The following GSR variants were observed in gnomAD, a reference collection of about 807,000 sequenced individuals.
GSR encodes the protein glutathione reductase, mitochondrial.
Under a neutral mutation model 56.5 loss-of-function variants are expected in GSR, and 48 were observed. The observed-to-expected ratio is 0.85, with a 90% CI of 0.67 to 1.08. The LOEUF (loss-of-function observed/expected upper bound fraction) is 1.08, where lower values mean the gene tolerates loss of function less well. Ranked by LOEUF, GSR falls within the 50% of genes least tolerant of loss-of-function variation. GSR has a pLI of 0.00. For synonymous variants in GSR, 264 were observed against 270.8 expected (o/e 0.97, Z 0.25); for missense variants, 694 against 703.3 (o/e 0.99, Z 0.15).
intron 8 of GSR, among the ~76,000 whole-genome samples, chr8:30,690,523 A>C (rs1292169493): frequency 3.9e-5 from 6 of 152,096 alleles, no homozygotes; most frequent in African/African-American, 1.4e-4. Context: ...AGTGGAGAAA[A>C]TAAATAGTTT....
At chr8:30,695,705 C>A (rs903302622) in intron 7 of GSR, among the ~76,000 whole-genome samples, 4 of 152,148 alleles carry the variant, frequency 2.6e-5, no homozygotes, top group African/African-American at 7.2e-5. Context: ...TGGTAACAAT[C>A]TAACATTACT....
At position 30,681,921 on chromosome 8, in the gene GSR, A is replaced by C. The variant is rs757619498; in HGVS notation, c.1285+9T>G. ...AACCACAAATGACCTTCAGTTTTTAAATACCTACCTTCCGTGAGTCCCACT... is the reference window on the plus strand; with the variant it reads ...AACCACAAATGACCTTCAGTTTTTACATACCTACCTTCCGTGAGTCCCACT... On this transcript the variant is annotated intron_variant, in intron 11 of 12. Coordinates refer to ENST00000221130, the MANE Select transcript of GSR (RefSeq NM_000637.5). The C allele has an allele frequency of 1.2e-5, 20 of 1,613,624 alleles. No homozygotes were observed. Among genetic ancestry groups the C allele is most frequent in the Non-Finnish European group, 1.7e-5 (20 of 1,179,566 alleles).
rs534410638 is a variant in GSR at position 30,722,469 on chromosome 8, T to C, written c.306+5061A>G. On this transcript the variant is annotated intron_variant, in intron 1 of 12. Transcript: ENST00000221130. The stretch of plus-strand genomic sequence containing the variant: ...GGCTGGGCACGGTGGCTCATGCCTG[T>C]AATCCCAGCACTTTGAGAGGCTAAG... Among the ~76,000 whole-genome samples the C allele has an allele frequency of 3.9e-5, 6 of 152,318 alleles. No homozygotes were observed. The South Asian group carries it at 6.2e-4, about 16-fold the overall frequency.
intron 5 of GSR, 65 bp from the exon 6 acceptor site, chr8:30,700,200 A>G: frequency 8.7e-7 from 1 of 1,155,956 alleles, no homozygotes; most frequent in South Asian, 1.2e-5. Flanking sequence ...TAATCACAAC[A>G]TTTTATGCCA....
chr8:30,701,921 A>G (rs1272938356), intron 5 of GSR, among the ~76,000 whole-genome samples: 3 of 152,134 alleles, frequency 2.0e-5, no homozygotes, highest in Non-Finnish European at 4.4e-5. Context: ...CTAGCTGGGA[A>G]AAAAGAAAGA....
Position 30,680,697 on chromosome 8 carries a change from G to A in GSR, c.1419+207C>T, listed in dbSNP as rs964822000. ...GGTGTGAGCCACCACGCCTGGCATC[G>A]TCTTTATTTTTTAAAAGGAGTGGAA... On this transcript the variant is annotated intron_variant, in intron 12 of 12. Transcript: ENST00000221130. Among the ~76,000 whole-genome samples, 36 of 151,990 alleles carry A rather than the reference G, an allele frequency of 2.4e-4. 1 individual carries two copies. The highest frequency in any genetic ancestry group is 2.1e-4 in the South Asian group (1 of 4,818).
Position 30,684,085 on chromosome 8 carries a change from T to C in GSR, c.1153+3A>G. On this transcript the variant is annotated splice_donor_region_variant and intron_variant, in intron 10 of 12. Transcript: ENST00000221130. ...CCCTCACCAAGAAGGGAAGAGACCTTACCTGGAGTAAGAAGAGCTTTTCCA... is the reference window on the plus strand; with the variant it reads ...CCCTCACCAAGAAGGGAAGAGACCTCACCTGGAGTAAGAAGAGCTTTTCCA... 6.8e-7 allele frequency: 1 copy of C among 1,460,938 alleles called. No individual in the cohort carries two copies. Among genetic ancestry groups the C allele is most frequent in the Non-Finnish European group, 9.6e-7 (1 of 1,040,148 alleles). 90.5% of individuals were successfully genotyped at this position (1,460,938 alleles called of 1,614,324 possible). A position where few individuals can be genotyped will look rare whatever the true frequency, so the allele number is the denominator to read the frequency against.
At chr8:30,684,747 T>A (rs181126387) in intron 9 of GSR, among the ~76,000 whole-genome samples, 2 of 151,992 alleles carry the variant, frequency 1.3e-5, no homozygotes, top group Admixed American at 1.3e-4. Context: ...AGCATATCTA[T>A]GTTTATTTAG....
chr8:30,683,342 A>C (rs1195827466), intron 10 of GSR, among the ~76,000 whole-genome samples: 1 of 152,162 alleles, frequency 6.6e-6, no homozygotes, highest in Non-Finnish European at 1.5e-5. Context: ...ACACGCTGGA[A>C]TCGCTGATGA....
At chr8:30,683,440 T>C (rs560809857) in intron 10 of GSR, among the ~76,000 whole-genome samples, 9 of 152,166 alleles carry the variant, frequency 5.9e-5, no homozygotes, top group African/African-American at 2.2e-4. Context: ...GGAAGCGGGC[T>C]GAGGTGTGGG....
intron 1 of GSR, among the ~76,000 whole-genome samples, chr8:30,713,533 A>G (rs1275593293): frequency 6.6e-6 from 1 of 151,120 alleles, no homozygotes; most frequent in African/African-American, 2.4e-5. Flanking sequence ...TAATTTTTGT[A>G]TTTTTAGTAG....
At chr8:30,686,529 T>C (rs1215375092) in intron 9 of GSR, among the ~76,000 whole-genome samples, 1 of 152,080 alleles carries the variant, frequency 6.6e-6, no homozygotes, top group African/African-American at 2.4e-5. Flanking sequence ...CAAAAATTTT[T>C]TTTAAAAATT....
intron 3 of GSR, among the ~76,000 whole-genome samples, 169 bp from the exon 4 acceptor site, chr8:30,708,310 G>A (rs1803984119): frequency 6.6e-6 from 1 of 152,148 alleles, no homozygotes; most frequent in African/African-American, 2.4e-5. Flanking sequence ...TCATTCTGCT[G>A]CCCCATGTGT....
intron 9 of GSR, among the ~76,000 whole-genome samples, chr8:30,688,342 G>A (rs958806300): frequency 4.6e-5 from 7 of 152,166 alleles, no homozygotes; most frequent in Admixed American, 6.6e-5. Flanking sequence ...ACTTTGGGAG[G>A]CCGAGGTGGA....
rs139579261 is a variant in GSR, at chr8:30,701,488, A to T, written c.641-1353T>A. 3.0e-3 allele frequency among the ~76,000 whole-genome samples: 456 copies of T among 149,564 alleles called. 3 individuals carry two copies. Among genetic ancestry groups the T allele is most frequent in the African/African-American group, 0.011 (429 of 40,536 alleles). On this transcript the variant is annotated intron_variant, in intron 5 of 12. Transcript: ENST00000221130. ...TCTCTGAACAAACAAACAAACAAAAAAATATATATGTTGCATTTTGGCCGG... is the reference window on the plus strand; with the variant it reads ...TCTCTGAACAAACAAACAAACAAAATAATATATATGTTGCATTTTGGCCGG...
intron 4 of GSR, among the ~76,000 whole-genome samples, chr8:30,705,597 G>A (rs1277111530): frequency 2.6e-5 from 4 of 152,036 alleles, no homozygotes; most frequent in Admixed American, 6.6e-5. Context: ...AGGGTGTGGT[G>A]GGACAGTGCT....
chr8:30,683,543 T>TC (rs1184864655), intron 10 of GSR, among the ~76,000 whole-genome samples: 1 of 151,996 alleles, frequency 6.6e-6, no homozygotes, highest in East Asian at 1.9e-4. Flanking sequence ...ATGCCTGTAA[T>TC]CCTAACATTC....
In GSR at chr8:30,679,284, A is replaced by C; in HGVS notation, c.*236T>G. 1.8e-6 allele frequency: 1 copy of C among 553,600 alleles called. No homozygotes were observed. Among genetic ancestry groups the C allele is most frequent in the Admixed American group, 3.2e-5 (1 of 31,088 alleles). The allele number at this position is 553,600 out of a possible 1,614,324, so 34.3% of individuals were successfully genotyped here. A position where few individuals can be genotyped will look rare whatever the true frequency, so the allele number is the denominator to read the frequency against. ...TAGCACAGAGCTGTTAATAAAAAAAAAACTTGAAAATATTAATTACTGTGA... is the reference window on the plus strand; with the variant it reads ...TAGCACAGAGCTGTTAATAAAAAAACAACTTGAAAATATTAATTACTGTGA... On this transcript the variant is annotated 3_prime_UTR_variant, in exon 13 of 13. Coordinates refer to ENST00000221130, the MANE Select transcript of GSR (RefSeq NM_000637.5).
At chr8:30,727,390 C>T in intron 1 of GSR, 140 bp downstream of exon 1, 1 of 833,268 alleles carries the variant, frequency 1.2e-6, no homozygotes, top group Non-Finnish European at 1.8e-6. Context: ...TTCCTGGCTT[C>T]GGAATGGGGA....
Sources: gnomAD v4.1 joint callset for allele counts (sites outside exome capture counted in the v4.1 genomes callset) on GRCh38, gnomAD v4.1.1 for gene constraint, MANE v1.5 for transcripts, NCBI Gene and HGNC (gene_info 2026-07-23, HGNC 2026-07-21) for gene names.